The following GLI3 variants were observed in gnomAD, a reference collection of about 807,000 sequenced individuals.
GLI3 encodes transcription activator GLI3.
GLI3 carries 20 observed loss-of-function variants against 100.8 expected under a neutral mutation model. The ratio of observed to expected loss-of-function variants is 0.20; its 90% CI spans 0.14 to 0.29. The LOEUF (loss-of-function observed/expected upper bound fraction) is 0.29, where lower values mean the gene tolerates loss of function less well. GLI3 is among the 10% of genes least tolerant of loss of function. The pLI, the probability that GLI3 is intolerant of heterozygous loss-of-function variation, is 1.00. For synonymous variants in GLI3, 938 were observed against 860.5 expected (o/e 1.09, Z -1.58); for missense variants, 2,040 against 2,128.5 (o/e 0.96, Z 0.82).
At chr7:42,073,186 A>G (rs540579207) in intron 4 of GLI3, among the ~76,000 whole-genome samples, 2 of 152,308 alleles carry the variant, frequency 1.3e-5, no homozygotes, top group South Asian at 2.1e-4. Context: ...ATGCCAATAA[A>G]TTATAAATTA....
intron 6 of GLI3, 120 bp downstream of exon 6, chr7:42,045,264 T>C (rs1273020914): frequency 1.0e-6 from 1 of 980,204 alleles, no homozygotes; most frequent in African/African-American, 1.6e-5. Flanking sequence ...TAGTGGTGGT[T>C]CCACTTTCTC....
intron 3 of GLI3, among the ~76,000 whole-genome samples, chr7:42,096,345 A>C (rs544172894): frequency 6.6e-6 from 1 of 152,316 alleles, no homozygotes; most frequent in Admixed American, 6.5e-5. Flanking sequence ...TTCCCCAGAA[A>C]TAAAGGAGAG....
intron 3 of GLI3, among the ~76,000 whole-genome samples, chr7:42,111,801 G>A (rs921033632): frequency 6.6e-6 from 1 of 152,154 alleles, no homozygotes; most frequent in Non-Finnish European, 1.5e-5. Context: ...AGGTGGGATG[G>A]CTTAGGTTTG....
intron 6 of GLI3, among the ~76,000 whole-genome samples, chr7:42,040,982 C>G (rs1445202972): frequency 6.6e-6 from 1 of 152,112 alleles, no homozygotes; most frequent in Admixed American, 6.5e-5. Context: ...ATTATCTGGC[C>G]CAAATGTCAC....
At chr7:42,228,278 C>A (rs1788624287) in intron 1 of GLI3, among the ~76,000 whole-genome samples, 2 of 151,628 alleles carry the variant, frequency 1.3e-5, no homozygotes, top group South Asian at 4.2e-4. Context: ...TGTCTGGGGG[C>A]AGAAGGGGTG....
intron 4 of GLI3, among the ~76,000 whole-genome samples, chr7:42,066,290 T>C (rs1181066916): frequency 6.6e-6 from 1 of 152,068 alleles, no homozygotes; most frequent in Admixed American, 6.6e-5. Context: ...AGGATGTTTC[T>C]CTCCAATACA....
intron 3 of GLI3, among the ~76,000 whole-genome samples, chr7:42,084,669 C>G (rs138503298): frequency 6.6e-6 from 1 of 152,204 alleles, no homozygotes; most frequent in East Asian, 1.9e-4. Flanking sequence ...TCTAGCTGAA[C>G]TGCAGAACTC....
intron 4 of GLI3, among the ~76,000 whole-genome samples, chr7:42,053,622 T>C (rs961391826): frequency 6.6e-6 from 1 of 152,214 alleles, no homozygotes; most frequent in Non-Finnish European, 1.5e-5. Context: ...ACATTTTTAG[T>C]AGATACACAC....
rs761232350 is a variant in GLI3, at chr7:42,045,422, G to C, written c.788C>G (p.Thr263Arg). Residue 263 changes from threonine to arginine, a missense_variant, in exon 6 of 15, where the codon ACG becomes AGG. Physicochemically the swap from Thr to Arg is moderately conservative, Grantham distance 71. Transcript: ENST00000395925. ...DIIPSAATAG[T>R]GAIHMEYLHA... ...AAGATATTCCATGTGGATGGCCCCC[G>C]TGCCGGCGGTGGCAGCTGAGGGAAT... 1 of 1,614,008 alleles carries C rather than the reference G, an allele frequency of 6.2e-7. No homozygotes were observed. The highest frequency in any genetic ancestry group is 1.1e-5 in the South Asian group (1 of 91,086).
chr7:42,238,032 C>T (rs1366583216), upstream of GLI3, among the ~76,000 whole-genome samples: 38 of 148,748 alleles, frequency 2.6e-4, 1 homozygote, highest in Non-Finnish European at 7.5e-5. Flanking sequence ...CCTTCTCCTC[C>T]TCCTCCTCCT....
chr7:42,257,515 C>A (rs1789097560), intron 1 of GLI3, among the ~76,000 whole-genome samples: 1 of 151,928 alleles, frequency 6.6e-6, no homozygotes, highest in Admixed American at 6.6e-5. Context: ...TGGCTAATTT[C>A]TTGTATTTTT....
chr7:42,043,366 G>C (rs1384759652), intron 6 of GLI3, among the ~76,000 whole-genome samples: 1 of 152,168 alleles, frequency 6.6e-6, no homozygotes, highest in Admixed American at 6.5e-5. Context: ...AGAAGAGAAA[G>C]TCAGCATTTG....
intron 3 of GLI3, among the ~76,000 whole-genome samples, chr7:42,092,422 A>G (rs1016651300): frequency 6.6e-6 from 1 of 152,210 alleles, no homozygotes; most frequent in Admixed American, 6.5e-5. Context: ...CCAGGGCAGG[A>G]GCGCAAAGCC....
chr7:42,238,409 A>C (rs997958915), upstream of GLI3, among the ~76,000 whole-genome samples: 50 of 152,068 alleles, frequency 3.3e-4, no homozygotes, highest in African/African-American at 1.0e-3. Context: ...GCCATCCCCG[A>C]AACTCCCTCT....
chr7:42,000,580 A>G (rs986883941), intron 10 of GLI3, among the ~76,000 whole-genome samples: 1 of 151,796 alleles, frequency 6.6e-6, no homozygotes, highest in African/African-American at 2.4e-5. Context: ...CAAAGAATTG[A>G]AAAACAATCA....
Position 42,259,796 on chromosome 7 carries a change from A to G in GLI3, c.-43+4198T>C, listed in dbSNP as rs147304996. On this transcript the variant is annotated intron_variant, in intron 1 of 2. Transcript: ENST00000678978. ...CATTTAGGATCCAAATCAATAGCAT[A>G]TATAGTGCCTTCCCCTTTGCTTTTG... is the stretch of plus-strand genomic sequence containing the variant. 9.3e-3 allele frequency among the ~76,000 whole-genome samples: 1,419 copies of G among 152,342 alleles called. 8 individuals carry two copies. Among genetic ancestry groups the G allele is most frequent in the Non-Finnish European group, 0.013 (875 of 68,018 alleles).
intron 1 of GLI3, among the ~76,000 whole-genome samples, chr7:42,263,284 T>A (rs1789163849): frequency 6.6e-6 from 1 of 152,156 alleles, no homozygotes; most frequent in Non-Finnish European, 1.5e-5. Context: ...AACAAGAAAG[T>A]GCCTCCCCCT....
At position 41,964,646 on chromosome 7, in the gene GLI3, T is replaced by G. The variant is rs138100963; in HGVS notation, c.4427A>C (p.Asn1476Thr). ...AGCACCTGGGGAAAGTAACTCAGAG[T>G]TTTTGGCGCTGGTCCCCTGTAGCAG... is the stretch of plus-strand genomic sequence containing the variant. ...SCLLQGTSAK[N>T]SELLSPGANQ... Residue 1476 changes from asparagine to threonine, a missense_variant, in exon 15 of 15, where the codon AAC becomes ACC. Around this residue, in one of 5 missense-constraint regions of GLI3, gnomAD observed 1,041 missense variants for 924.0 expected, o/e 1.13. Transcript: ENST00000395925. The G allele has an allele frequency of 2.5e-6, 4 of 1,613,200 alleles. No individual in the cohort carries two copies. Among genetic ancestry groups the G allele is most frequent in the South Asian group, 1.1e-5 (1 of 91,058 alleles).
intron 3 of GLI3, among the ~76,000 whole-genome samples, chr7:42,124,331 A>T (rs1321922957): frequency 1.3e-5 from 2 of 152,180 alleles, no homozygotes; most frequent in Admixed American, 1.3e-4. Flanking sequence ...GATTATTTCA[A>T]ATTTGTAAAG....
Sources: allele counts gnomAD v4.1 joint callset (sites outside exome capture counted in the v4.1 genomes callset), GRCh38; gene constraint gnomAD v4.1.1; regional missense constraint gnomAD v4.1.1; transcripts MANE v1.5; gene names NCBI Gene and HGNC (gene_info 2026-07-23, HGNC 2026-07-21).